Variants in UHRF2 observed in about 807,000 individuals in gnomAD.
UHRF2 encodes ubiquitin like with PHD and ring finger domains 2.
Under a neutral mutation model 96.8 loss-of-function variants are expected in UHRF2, and 23 were observed. The ratio of observed to expected loss-of-function variants is 0.24; its 90% CI spans 0.17 to 0.34. The LOEUF is 0.34. Ranked by LOEUF, UHRF2 falls within the 10% of genes least tolerant of loss-of-function variation. UHRF2 has a pLI of 1.00. For synonymous variants in UHRF2, 385 were observed against 332.6 expected, an observed-to-expected ratio of 1.16 and a Z score of -1.72; for missense variants, 685 against 981.5, an observed-to-expected ratio of 0.70 and a Z score of 4.04.
chr9:6,483,411 C>T (rs58756210), intron 8 of UHRF2, among the ~76,000 whole-genome samples: 2,785 of 150,770 alleles, frequency 0.018, 91 homozygotes, highest in African/African-American at 0.062. Context: ...TATGTTAAAT[C>T]ACCTCTAGAT....
chr9:6,504,015 CTTTTT>C (rs35325264), intron 14 of UHRF2, among the ~76,000 whole-genome samples: 37 of 78,940 alleles, frequency 4.7e-4, no homozygotes, highest in Admixed American at 8.0e-4. Flanking sequence ...AAATAGAAGA[CTTTTT>C]TTTTTTTTTT....
chr9:6,499,865 G>A lies in UHRF2; in HGVS notation c.1939G>A (p.Gly647Arg), dbSNP rs1825178487. ...YPAGYPSDKE[G>R]KKPKGQSKKQ... is the part of the protein sequence containing the mutation. ...AGCAGGTTACCCTTCAGATAAAGAA[G>A]GGAAGAAGCCTAAAGGACAGTCAAA... Residue 647 changes from glycine to arginine, a missense_variant, in exon 13 of 16, where the codon GGG (glycine) becomes AGG (arginine). Coordinates refer to ENST00000276893, the MANE Select transcript of UHRF2 (RefSeq NM_152896.3). 1 of 1,611,546 alleles carries A rather than the reference G, an allele frequency of 6.2e-7. No individual in the cohort carries two copies.
intron 3 of UHRF2, among the ~76,000 whole-genome samples, chr9:6,455,689 A>G (rs1822135482): frequency 6.6e-6 from 1 of 152,182 alleles, no homozygotes; most frequent in African/African-American, 2.4e-5. Flanking sequence ...GTTAGGCCTA[A>G]AAGTGAAGAA....
chr9:6,445,984 T>TGTTTG (rs58693786), intron 3 of UHRF2, among the ~76,000 whole-genome samples: 2 of 127,878 alleles, frequency 1.6e-5, no homozygotes, highest in East Asian at 2.7e-4. Context: ...CGCCACCCTT[T>TGTTTG]TTTTTTTTTT....
intron 6 of UHRF2, among the ~76,000 whole-genome samples, chr9:6,478,940 A>T (rs1823756788): frequency 6.6e-6 from 1 of 152,126 alleles, no homozygotes; most frequent in Non-Finnish European, 1.5e-5. Context: ...TTTCTTGTTC[A>T]ATGGATGACA....
intron 2 of UHRF2, chr9:6,422,578 G>A: frequency 1.9e-6 from 1 of 527,132 alleles, no homozygotes; most frequent in South Asian, 3.0e-5. Context: ...TTTAATTCAT[G>A]AACATTAAAA....
Position 6,506,721 on chromosome 9 carries a change from T to G in UHRF2, c.*542T>G, listed in dbSNP as rs1816601481. On this transcript the variant is annotated 3_prime_UTR_variant, in exon 16 of 16. Transcript: ENST00000276893. The stretch of plus-strand genomic sequence containing the variant: ...ATTTTTTTTAGCCCACTTTGTGAAC[T>G]CCATTGTGCTTTTTTCTGGTGTTTT... The G allele has an allele frequency of 6.5e-6, 1 of 152,830 alleles. No individual in the cohort carries two copies. Among genetic ancestry groups the G allele is most frequent in the South Asian group, 2.1e-4 (1 of 4,844 alleles). 9.5% of individuals were successfully genotyped at this position (152,830 alleles called of 1,614,324 possible).
intron 3 of UHRF2, among the ~76,000 whole-genome samples, chr9:6,434,709 G>T (rs1253757231): frequency 6.6e-6 from 1 of 152,164 alleles, no homozygotes; most frequent in East Asian, 1.9e-4. Context: ...AAAGTGCTGG[G>T]ATTACAGGGG....
intron 1 of UHRF2, among the ~76,000 whole-genome samples, chr9:6,414,633 C>T (rs1483175316): frequency 6.6e-6 from 1 of 152,200 alleles, no homozygotes; most frequent in East Asian, 1.9e-4. Flanking sequence ...AGTTGATAGA[C>T]CACAGTTTGG....
At chr9:6,474,863 TG>T (rs1268053306) in intron 4 of UHRF2, among the ~76,000 whole-genome samples, 2 of 152,246 alleles carry the variant, frequency 1.3e-5, no homozygotes, top group East Asian at 3.8e-4. Context: ...ATCTTATTTT[TG>T]CCTAGAAATT....
chr9:6,446,080 C>T (rs544142488), intron 3 of UHRF2, among the ~76,000 whole-genome samples: 1 of 146,490 alleles, frequency 6.8e-6, no homozygotes, highest in South Asian at 2.3e-4. Flanking sequence ...GCTGCCTTGA[C>T]TTCCCTGGCT....
Position 6,451,306 on chromosome 9 carries a change from CT to C in UHRF2, c.645-9263del, listed in dbSNP as rs554838127. Among the ~76,000 whole-genome samples, 471 of 152,194 alleles carry C rather than the reference CT, an allele frequency of 3.1e-3. 3 individuals carry two copies. The highest frequency in any genetic ancestry group is 5.3e-3 in the Non-Finnish European group (360 of 67,996). Reference sequence around the variant, plus strand: ...CAGTTGTGTAGTTTCGTTCATTATGCTTTTGGTTTTTAGGGATTTCTCACAT... The same window carrying C: ...CAGTTGTGTAGTTTCGTTCATTATGCTTTGGTTTTTAGGGATTTCTCACAT... On this transcript the variant is annotated intron_variant, in intron 3 of 15. Transcript: ENST00000276893.
intron 2 of UHRF2, among the ~76,000 whole-genome samples, chr9:6,421,393 T>A (rs1819920540): frequency 6.6e-6 from 1 of 152,034 alleles, no homozygotes; most frequent in African/African-American, 2.4e-5. Flanking sequence ...AAGAAGTAGA[T>A]TGATTTAAAA....
In UHRF2 at chr9:6,498,162, A is replaced by G. The variant is rs999578569; in HGVS notation, c.1908+4A>G. 8 of 1,612,796 alleles carry G rather than the reference A, an allele frequency of 5.0e-6. No individual in the cohort carries two copies. The highest frequency in any genetic ancestry group is 6.8e-6 in the Non-Finnish European group (8 of 1,179,598). Reference sequence around the variant, plus strand: ...GAGATTATGTCTACGTTTACAGGTTAGATTACATTTGTCTAGGCTGCCTGT... The same window carrying G: ...GAGATTATGTCTACGTTTACAGGTTGGATTACATTTGTCTAGGCTGCCTGT... On this transcript the variant is annotated splice_donor_region_variant and intron_variant, in intron 12 of 15. Coordinates refer to ENST00000276893, the MANE Select transcript of UHRF2 (RefSeq NM_152896.3).
chr9:6,502,797 G>A (rs916328287), intron 14 of UHRF2, among the ~76,000 whole-genome samples: 2 of 152,068 alleles, frequency 1.3e-5, no homozygotes, highest in African/African-American at 4.8e-5. Flanking sequence ...CATTAACAAA[G>A]GTGTTTGTTA....
chr9:6,480,233 G>T (rs1285563619), intron 6 of UHRF2, among the ~76,000 whole-genome samples: 1 of 152,142 alleles, frequency 6.6e-6, no homozygotes. Flanking sequence ...GTTATCTACT[G>T]TAAGAAGCAT....
intron 15 of UHRF2, among the ~76,000 whole-genome samples, chr9:6,505,698 A>G (rs1490928265): frequency 6.6e-6 from 1 of 152,196 alleles, no homozygotes; most frequent in African/African-American, 2.4e-5. Context: ...TTCCCCCTCT[A>G]GGGCTCTGTT....
At position 6,481,701 on chromosome 9, in the gene UHRF2, A is replaced by G; in HGVS notation, c.1219A>G (p.Lys407Glu). ...SEVVKAGERL[K>E]MSKKKAKMPS... ...AGTTGTAAAGGCTGGTGAAAGACTCAAGATGAGTAAAAAGAAAGCAAAGAT... is the reference window on the plus strand; with the variant it reads ...AGTTGTAAAGGCTGGTGAAAGACTCGAGATGAGTAAAAAGAAAGCAAAGAT... Residue 407 changes from lysine to glutamate, a missense_variant, in exon 7 of 16, where the codon AAG (lysine) becomes GAG (glutamate). Transcript: ENST00000276893. 1 of 1,613,980 alleles carries G rather than the reference A, an allele frequency of 6.2e-7. No homozygotes were observed. Among genetic ancestry groups the G allele is most frequent in the Non-Finnish European group, 8.5e-7 (1 of 1,179,886 alleles).
chr9:6,470,615 T>C (rs1823186729), intron 4 of UHRF2, among the ~76,000 whole-genome samples: 1 of 152,014 alleles, frequency 6.6e-6, no homozygotes, highest in South Asian at 2.1e-4. Flanking sequence ...TTTTTTTAAA[T>C]AGTGAACTTT....
Sources: gnomAD v4.1 joint callset for allele counts (sites outside exome capture counted in the v4.1 genomes callset) on GRCh38, gnomAD v4.1.1 for gene constraint, MANE v1.5 for transcripts, NCBI Gene and HGNC (gene_info 2026-07-23, HGNC 2026-07-21) for gene names.